Variants in TRIM44 observed in about 807,000 individuals in gnomAD.
TRIM44 encodes the protein tripartite motif-containing protein 44.
TRIM44 carries 13 observed loss-of-function variants against 37.4 expected under a neutral mutation model. The ratio of observed to expected loss-of-function variants is 0.35; its 90% CI spans 0.23 to 0.55. The LOEUF (loss-of-function observed/expected upper bound fraction) is 0.55, where lower values mean the gene tolerates loss of function less well. Ranked by LOEUF, TRIM44 falls within the 20% of genes least tolerant of loss-of-function variation. The probability of loss-of-function intolerance (pLI) is 0.89; values close to 1 mark genes in which losing one functional copy is unlikely to be tolerated. For synonymous variants in TRIM44, 175 were observed against 157.2 expected, an observed-to-expected ratio of 1.11 and a Z score of -0.85; for missense variants, 426 against 437.2, an observed-to-expected ratio of 0.97 and a Z score of 0.23.
At chr11:35,802,241 G>C (rs909891366) in intron 4 of TRIM44, among the ~76,000 whole-genome samples, 1 of 152,116 alleles carries the variant, frequency 6.6e-6, no homozygotes, top group East Asian at 1.9e-4. Flanking sequence ...GTGTTAGATC[G>C]ATGGATAGAT....
intron 2 of TRIM44, chr11:35,724,175 C>T (rs754006497): frequency 3.3e-5 from 5 of 152,128 alleles, no homozygotes; most frequent in Admixed American, 6.6e-5. Context: ...ACAAAAGCTG[C>T]GTAAGGTATC....
At position 35,742,507 on chromosome 11, in the gene TRIM44, ATATAAT is replaced by A. The variant is rs1482231384; in HGVS notation, c.1007+7067_1007+7072del. ...ATTGTATTATATATAATTATATTAA[ATATAAT>A]TATATTAATTGTATTATATATAATT... On this transcript the variant is annotated intron_variant, in intron 4 of 4. Transcript: ENST00000299413. Among the ~76,000 whole-genome samples the A allele has an allele frequency of 7.0e-5, 9 of 129,360 alleles. No homozygotes were observed. In the East Asian group the frequency reaches 8.3e-4, roughly 12 times the overall value. 84.9% of individuals were successfully genotyped at this position (129,360 alleles called of 152,430 possible). A position where few individuals can be genotyped will look rare whatever the true frequency, so the allele number is the denominator to read the frequency against.
chr11:35,720,421 T>G (rs895863918), intron 2 of TRIM44, among the ~76,000 whole-genome samples: 1 of 151,406 alleles, frequency 6.6e-6, no homozygotes, highest in Non-Finnish European at 1.5e-5. Flanking sequence ...TTTTTCTTTT[T>G]TTTTTTTCCT....
intron 4 of TRIM44, among the ~76,000 whole-genome samples, chr11:35,760,581 G>T (rs1458243389): frequency 6.6e-6 from 1 of 152,202 alleles, no homozygotes; most frequent in Non-Finnish European, 1.5e-5. Flanking sequence ...CGTCTTCTGC[G>T]TCACTCATGC....
chr11:35,697,577 A>G lies in TRIM44; in HGVS notation c.747+12241A>G, dbSNP rs530422537. ...ATTAACTGGTCATTTAGCATTAGGT[A>G]TATCTCCTAATGCTATCCCTCCCCG... On this transcript the variant is annotated intron_variant, in intron 2 of 4. Coordinates refer to ENST00000299413, the MANE Select transcript of TRIM44 (RefSeq NM_017583.6). Among the ~76,000 whole-genome samples the G allele has an allele frequency of 1.6e-4, 24 of 151,342 alleles. 1 individual carries two copies. In the South Asian group the frequency reaches 4.4e-3, roughly 28 times the overall value.
intron 4 of TRIM44, among the ~76,000 whole-genome samples, chr11:35,746,787 G>C (rs1016260964): frequency 1.3e-5 from 2 of 152,132 alleles, no homozygotes; most frequent in Non-Finnish European, 2.9e-5. Context: ...ATGAATGGTT[G>C]CAGGTTCATA....
At chr11:35,739,631 G>A (rs1283891097) in intron 4 of TRIM44, among the ~76,000 whole-genome samples, 1 of 152,032 alleles carries the variant, frequency 6.6e-6, no homozygotes, top group Non-Finnish European at 1.5e-5. Flanking sequence ...TCCTCTGAGG[G>A]TTAGCAGAAA....
At chr11:35,733,966 T>A (rs1852298486) in intron 3 of TRIM44, among the ~76,000 whole-genome samples, 1 of 152,210 alleles carries the variant, frequency 6.6e-6, no homozygotes, top group African/African-American at 2.4e-5. Context: ...AAAGTGGCAA[T>A]ATCAATGTTA....
chr11:35,681,631 A>G (rs747775842), intron 1 of TRIM44, among the ~76,000 whole-genome samples: 6 of 152,176 alleles, frequency 3.9e-5, no homozygotes, highest in South Asian at 2.1e-4. Context: ...AGGATTGACA[A>G]TCATTTCTAA....
At position 35,807,948 on chromosome 11, in the gene TRIM44, C is replaced by CCTGT. The variant is rs1358356547; in HGVS notation, c.*1567_*1570dup. The CCTGT allele has an allele frequency of 1.3e-5, 2 of 152,148 alleles. No individual in the cohort carries two copies. Among genetic ancestry groups the CCTGT allele is most frequent in the East Asian group, 3.9e-4 (2 of 5,190 alleles). 9.4% of individuals were successfully genotyped at this position (152,148 alleles called of 1,614,324 possible). A position where few individuals can be genotyped will look rare whatever the true frequency, so the allele number is the denominator to read the frequency against. ...TGGGGGAAATCCCTTTTCCTGCCTG[C>CCTGT]CTGTCTGCCTGTGACCTGTGTACGT... On this transcript the variant is annotated 3_prime_UTR_variant, in exon 5 of 5. Transcript: ENST00000299413.
At position 35,734,162 on chromosome 11, in the gene TRIM44, T is replaced by C. The variant is rs549976315; in HGVS notation, c.988-1264T>C. Among the ~76,000 whole-genome samples the C allele has an allele frequency of 1.2e-4, 19 of 152,328 alleles. No individual in the cohort carries two copies. In the South Asian group the frequency reaches 3.1e-3, roughly 25 times the overall value. ...AAAATCCTAGAAGGTTAGATCATTA[T>C]GAGTGATTGTTTTTCCTTAGTTAGC... On this transcript the variant is annotated intron_variant, in intron 3 of 4. Transcript: ENST00000299413.
chr11:35,780,340 G>A (rs7928559), intron 4 of TRIM44, among the ~76,000 whole-genome samples: 10,028 of 152,266 alleles, frequency 0.066, 429 homozygotes, highest in Non-Finnish European at 0.1. Flanking sequence ...TTGCAAGGTA[G>A]ACTCATGCTT....
chr11:35,747,896 G>T (rs1852510376), intron 4 of TRIM44, among the ~76,000 whole-genome samples: 1 of 148,832 alleles, frequency 6.7e-6, no homozygotes, highest in African/African-American at 2.5e-5. Context: ...GGGGCAGGGA[G>T]AAAAATGGGG....
chr11:35,726,959 A>G (rs1197285206), intron 3 of TRIM44, among the ~76,000 whole-genome samples: 2 of 151,968 alleles, frequency 1.3e-5, no homozygotes, highest in Non-Finnish European at 2.9e-5. Context: ...CAGGAGTTTG[A>G]GACCAGCCTG....
At chr11:35,780,298 G>C (rs1328897187) in intron 4 of TRIM44, among the ~76,000 whole-genome samples, 1 of 152,128 alleles carries the variant, frequency 6.6e-6, no homozygotes, top group Non-Finnish European at 1.5e-5. Flanking sequence ...TTGATGTAAG[G>C]TTAAGAAGAG....
intron 4 of TRIM44, among the ~76,000 whole-genome samples, chr11:35,740,676 C>T (rs1422095258): frequency 6.6e-6 from 1 of 152,154 alleles, no homozygotes; most frequent in African/African-American, 2.4e-5. Flanking sequence ...TTGATTCTGT[C>T]TGTGACTGAC....
intron 1 of TRIM44, among the ~76,000 whole-genome samples, chr11:35,671,109 A>G (rs1378796792): frequency 6.6e-6 from 1 of 152,238 alleles, no homozygotes; most frequent in Non-Finnish European, 1.5e-5. Flanking sequence ...GAGTTTAGGT[A>G]CTTTCTAAGT....
chr11:35,679,042 G>T (rs1199335125), intron 1 of TRIM44, among the ~76,000 whole-genome samples: 1 of 151,560 alleles, frequency 6.6e-6, no homozygotes, highest in Non-Finnish European at 1.5e-5. Flanking sequence ...GAATAGGGAG[G>T]AAAACACCCC....
chr11:35,726,332 CTCA>C (rs1852174995), intron 3 of TRIM44, among the ~76,000 whole-genome samples, 169 bp downstream of exon 3: 17 of 152,272 alleles, frequency 1.1e-4, no homozygotes, highest in Non-Finnish European at 2.2e-4. Context: ...CACTAGTTTA[CTCA>C]GTGGCTGGGC....
Sources: allele counts gnomAD v4.1 joint callset (sites outside exome capture counted in the v4.1 genomes callset), GRCh38; gene constraint gnomAD v4.1.1; transcripts MANE v1.5; gene names NCBI Gene and HGNC (gene_info 2026-07-23, HGNC 2026-07-21).